ABTB3: variants seen among roughly 807,000 people sequenced by gnomAD.
The protein encoded by ABTB3 is ankyrin repeat- and BTB/POZ domain-containing protein 3.
the ABTB3 span, among the ~76,000 whole-genome samples, chr12:107,530,693 A>G: frequency 6.6e-6 from 1 of 152,152 alleles, no homozygotes; most frequent in African/African-American, 2.4e-5. Flanking sequence ...CGGCTGCAAA[A>G]GTTTATTATT....
the ABTB3 span, among the ~76,000 whole-genome samples, chr12:107,439,413 T>C: frequency 1.1e-4 from 16 of 152,322 alleles, no homozygotes; most frequent in African/African-American, 3.8e-4. Flanking sequence ...TCTACCTGGC[T>C]TGGTTGCTGC....
At chr12:107,566,684 C>CACACACACAA in the ABTB3 span, among the ~76,000 whole-genome samples, 1 of 151,580 alleles carries the variant, frequency 6.6e-6, no homozygotes, top group African/African-American at 2.4e-5. Flanking sequence ...CACACACACA[C>CACACACACAA]AAACATCTTT....
chr12:107,383,851 A>G, the ABTB3 span, among the ~76,000 whole-genome samples: 1 of 152,220 alleles, frequency 6.6e-6, no homozygotes, highest in African/African-American at 2.4e-5. Context: ...AGCAAATTGC[A>G]GACAGTTCAG....
chr12:107,471,015 A>G, the ABTB3 span, among the ~76,000 whole-genome samples: 1 of 152,186 alleles, frequency 6.6e-6, no homozygotes, highest in Admixed American at 6.5e-5. Context: ...TGATGTACTG[A>G]GCATGCCAGG....
At chr12:107,419,195 C>G in the ABTB3 span, among the ~76,000 whole-genome samples, 5 of 152,242 alleles carry the variant, frequency 3.3e-5, no homozygotes, top group Admixed American at 6.5e-5. Context: ...GGGGAACCAG[C>G]TGGGTGGAAT....
the ABTB3 span, chr12:107,650,500 A>C: frequency 1.3e-5 from 2 of 152,176 alleles, no homozygotes. Flanking sequence ...ATGTGGGCTT[A>C]TTTGTAAACA....
chr12:107,517,264 A>G, the ABTB3 span, among the ~76,000 whole-genome samples: 8 of 152,304 alleles, frequency 5.3e-5, no homozygotes, highest in East Asian at 1.3e-3. Context: ...TGTTTTGGTT[A>G]CTGTAGCCTT....
the ABTB3 span, among the ~76,000 whole-genome samples, chr12:107,585,494 G>A: frequency 6.6e-6 from 1 of 152,220 alleles, no homozygotes; most frequent in Non-Finnish European, 1.5e-5. Flanking sequence ...CCTTGGGCAA[G>A]TCCCCTCCCC....
chr12:107,487,129 C>T, the ABTB3 span, among the ~76,000 whole-genome samples: 3 of 152,128 alleles, frequency 2.0e-5, no homozygotes, highest in Non-Finnish European at 4.4e-5. Flanking sequence ...CTCCCCACAC[C>T]CTAGTGCCCA....
chr12:107,346,264 A>T, the ABTB3 span, among the ~76,000 whole-genome samples: 2 of 152,040 alleles, frequency 1.3e-5, no homozygotes, highest in Non-Finnish European at 1.5e-5. Flanking sequence ...TGGAAAGTCT[A>T]GATTGGGATG....
chr12:107,394,320 G>C, the ABTB3 span, among the ~76,000 whole-genome samples: 1 of 152,202 alleles, frequency 6.6e-6, no homozygotes, highest in Non-Finnish European at 1.5e-5. Flanking sequence ...AAGAACTATA[G>C]AGACATGGCT....
At chr12:107,494,362 G>C in the ABTB3 span, among the ~76,000 whole-genome samples, 1 of 152,194 alleles carries the variant, frequency 6.6e-6, no homozygotes, top group South Asian at 2.1e-4. Context: ...CTTCCCAGAT[G>C]ATCCTGGGCT....
the ABTB3 span, among the ~76,000 whole-genome samples, chr12:107,550,525 AC>A: frequency 6.6e-6 from 1 of 150,520 alleles, no homozygotes; most frequent in African/African-American, 2.4e-5. Flanking sequence ...AACAACAACA[AC>A]AACAAAAAAC....
At chr12:107,560,163 T>C in the ABTB3 span, among the ~76,000 whole-genome samples, 2 of 152,360 alleles carry the variant, frequency 1.3e-5, no homozygotes, top group African/African-American at 2.4e-5. Flanking sequence ...ATCATGTGAC[T>C]GTACCGTAAT....
the ABTB3 span, among the ~76,000 whole-genome samples, chr12:107,554,755 G>C: frequency 6.6e-6 from 1 of 152,202 alleles, no homozygotes; most frequent in Non-Finnish European, 1.5e-5. Context: ...AGGTGAGGCT[G>C]TTGCTGCTGG....
At chr12:107,457,926 G>A in the ABTB3 span, among the ~76,000 whole-genome samples, 11 of 152,154 alleles carry the variant, frequency 7.2e-5, no homozygotes, top group East Asian at 1.9e-4. Flanking sequence ...GTGTGACCTC[G>A]GGTAGCTTGC....
chr12:107,503,241 C>T, the ABTB3 span, among the ~76,000 whole-genome samples: 1 of 152,118 alleles, frequency 6.6e-6, no homozygotes, highest in Admixed American at 6.5e-5. Flanking sequence ...TGGTGCCTGG[C>T]CCTGGAGAGA....
the ABTB3 span, among the ~76,000 whole-genome samples, chr12:107,425,756 C>T: frequency 2.0e-5 from 3 of 152,220 alleles, no homozygotes; most frequent in African/African-American, 7.2e-5. Context: ...AACCCAGCGG[C>T]CTATGAGCTC....
the ABTB3 span, among the ~76,000 whole-genome samples, chr12:107,380,013 C>A: frequency 6.6e-6 from 1 of 152,200 alleles, no homozygotes; most frequent in Non-Finnish European, 1.5e-5. Context: ...TCCAGCGGAA[C>A]AGATTCTCAG....
Sources: gnomAD v4.1 joint callset for allele counts (sites outside exome capture counted in the v4.1 genomes callset) on GRCh38, gnomAD v4.1.1 for gene constraint, MANE v1.5 for transcripts, NCBI Gene and HGNC (gene_info 2026-07-23, HGNC 2026-07-21) for gene names.